RBM19: variants seen among roughly 807,000 people sequenced by gnomAD.
RBM19 encodes the protein probable RNA-binding protein 19.
A neutral mutation model predicts 116.8 loss-of-function variants in RBM19; 94 were observed. The observed-to-expected ratio is 0.80, with a 90% CI of 0.68 to 0.95. The LOEUF is 0.95. RBM19 is among the 40% of genes least tolerant of loss of function. The pLI is 0.00. For synonymous variants in RBM19, 475 were observed against 494.1 expected, an observed-to-expected ratio of 0.96 and a Z score of 0.51; for missense variants, 1,161 against 1,220.7, an observed-to-expected ratio of 0.95 and a Z score of 0.73.
intron 22 of RBM19, among the ~76,000 whole-genome samples, chr12:113,855,564 G>C (rs1372802163): frequency 6.6e-6 from 1 of 152,136 alleles, no homozygotes; most frequent in Non-Finnish European, 1.5e-5. Context: ...AGTGGGTCAG[G>C]GTTGAACTGA....
chr12:113,818,111 C>T (rs985013186), downstream of RBM19: 1 of 150,532 alleles, frequency 6.6e-6, no homozygotes, highest in Non-Finnish European at 1.5e-5. Context: ...ACCTGTAATC[C>T]CAGCCTTGGG....
At chr12:113,917,119 C>T (rs1882818823) in intron 20 of RBM19, among the ~76,000 whole-genome samples, 1 of 152,210 alleles carries the variant, frequency 6.6e-6, no homozygotes, top group South Asian at 2.1e-4. Flanking sequence ...CACTATCCCC[C>T]ATGCCTAGAA....
intron 9 of RBM19, 143 bp downstream of exon 9, chr12:113,949,940 T>C: frequency 1.4e-6 from 1 of 720,810 alleles, no homozygotes. Flanking sequence ...CTCCCTGCCA[T>C]GTCCCCAGTG....
chr12:113,890,249 G>A (rs1593539689), intron 21 of RBM19, among the ~76,000 whole-genome samples: 2 of 152,232 alleles, frequency 1.3e-5, no homozygotes, highest in East Asian at 1.9e-4. Context: ...TGCCGGAGCT[G>A]AGCCAGGCTG....
At chr12:113,843,988 C>A (rs1045130962) in intron 23 of RBM19, among the ~76,000 whole-genome samples, 2 of 152,248 alleles carry the variant, frequency 1.3e-5, no homozygotes, top group Non-Finnish European at 2.9e-5. Context: ...TGCAGTGAAG[C>A]CTCTCTAGCC....
chr12:113,965,984 C>A (rs958808841), intron 1 of RBM19, among the ~76,000 whole-genome samples: 12 of 152,266 alleles, frequency 7.9e-5, no homozygotes, highest in African/African-American at 2.6e-4. Flanking sequence ...ACCAAACAAC[C>A]GGCCGTGAAA....
intron 16 of RBM19, among the ~76,000 whole-genome samples, chr12:113,931,845 G>A (rs569429728): frequency 1.5e-4 from 23 of 152,192 alleles, no homozygotes; most frequent in African/African-American, 5.3e-4. Flanking sequence ...CCAACCACTC[G>A]CTGTTCCATT....
chr12:113,830,535 C>T (rs1875288678), intron 23 of RBM19, among the ~76,000 whole-genome samples: 1 of 130,174 alleles, frequency 7.7e-6, no homozygotes, highest in South Asian at 2.4e-4. Context: ...GTGCTGCAGC[C>T]CTGATACCCA....
At chr12:113,920,551 G>T (rs752303105) in intron 19 of RBM19, 60 bp downstream of exon 19, 16 of 1,443,352 alleles carry the variant, frequency 1.1e-5, no homozygotes, top group Non-Finnish European at 1.5e-5. Context: ...GAGGGCTGAC[G>T]GGACCTCCCA....
At chr12:113,870,974 G>A (rs1879164480) in intron 21 of RBM19, among the ~76,000 whole-genome samples, 1 of 152,216 alleles carries the variant, frequency 6.6e-6, no homozygotes, top group Non-Finnish European at 1.5e-5. Flanking sequence ...ATGGCAGCAG[G>A]AGGCCCCTGC....
chr12:113,920,880 GTTAAC>G (rs1455621370), intron 18 of RBM19, among the ~76,000 whole-genome samples, 190 bp from the exon 19 acceptor site: 1 of 152,140 alleles, frequency 6.6e-6, no homozygotes, highest in Non-Finnish European at 1.5e-5. Flanking sequence ...AGCCAACGCA[GTTAAC>G]ATGGCTGCCA....
intron 6 of RBM19, among the ~76,000 whole-genome samples, chr12:113,956,993 T>C (rs1012739148): frequency 2.0e-5 from 3 of 152,212 alleles, no homozygotes; most frequent in African/African-American, 7.2e-5. Context: ...TCTGCACCCC[T>C]CTGCCTGTGT....
At chr12:113,914,905 C>T in intron 21 of RBM19, 64 bp downstream of exon 21, 2 of 1,430,268 alleles carry the variant, frequency 1.4e-6, no homozygotes, top group Non-Finnish European at 2.0e-6. Context: ...GGCCATCTTC[C>T]CTGAGACTCG....
chr12:113,900,055 C>T (rs1334163486), intron 21 of RBM19, among the ~76,000 whole-genome samples: 2 of 152,132 alleles, frequency 1.3e-5, no homozygotes, highest in Non-Finnish European at 2.9e-5. Context: ...CCCTGGGGCA[C>T]CCTGTTCCAC....
At chr12:113,819,532 C>T (rs189605712), downstream of RBM19, among the ~76,000 whole-genome samples, 3 of 152,356 alleles carry the variant, frequency 2.0e-5, no homozygotes, top group East Asian at 1.9e-4. Context: ...AGTGCTCCCT[C>T]CTCAGTGCCA....
At chr12:113,871,641 G>C (rs1414775783) in intron 21 of RBM19, among the ~76,000 whole-genome samples, 3 of 152,224 alleles carry the variant, frequency 2.0e-5, no homozygotes, top group African/African-American at 7.2e-5. Flanking sequence ...TACACAAAAA[G>C]TATCAAAACA....
chr12:113,841,273 T>C (rs1347748164), intron 23 of RBM19, among the ~76,000 whole-genome samples: 3 of 152,246 alleles, frequency 2.0e-5, no homozygotes, highest in Non-Finnish European at 4.4e-5. Flanking sequence ...TTTGTCATTA[T>C]GATTTGTTAT....
At chr12:113,957,659 G>C in intron 6 of RBM19, 123 bp downstream of exon 6, 1 of 1,381,896 alleles carries the variant, frequency 7.2e-7, no homozygotes, top group Non-Finnish European at 9.4e-7. Flanking sequence ...GATCGGGAAG[G>C]CTTTGGACTG....
chr12:113,955,669 C>T (rs1404461324), intron 6 of RBM19, among the ~76,000 whole-genome samples: 1 of 152,202 alleles, frequency 6.6e-6, no homozygotes, highest in Non-Finnish European at 1.5e-5. Flanking sequence ...ATCCAGACAC[C>T]TCTGAAAAAA....
Sources: allele counts gnomAD v4.1 joint callset (sites outside exome capture counted in the v4.1 genomes callset), GRCh38; gene constraint gnomAD v4.1.1; transcripts MANE v1.5; gene names NCBI Gene and HGNC (gene_info 2026-07-23, HGNC 2026-07-21).